Variants in CNBD1 observed in about 807,000 individuals in gnomAD.
CNBD1 encodes the protein cyclic nucleotide-binding domain-containing protein 1.
In CNBD1, 71 loss-of-function variants were observed where a neutral mutation model predicts 54.4. The ratio of observed to expected loss-of-function variants is 1.30; its 90% confidence interval spans 1.08 to 1.59. The LOEUF (loss-of-function observed/expected upper bound fraction) is 1.59. CNBD1 is among the 40% of genes most tolerant of loss of function. The pLI, the probability that CNBD1 is intolerant of heterozygous loss-of-function variation, is 0.00. For missense variants in CNBD1, 659 were observed against 518.0 expected (o/e 1.27, Z -2.64); for synonymous variants, 182 against 170.7 (o/e 1.07, Z -0.51).
chr8:87,303,377 GC>G (rs1157587286), intron 8 of CNBD1, among the ~76,000 whole-genome samples: 1 of 151,928 alleles, frequency 6.6e-6, no homozygotes, highest in Non-Finnish European at 1.5e-5. Context: ...AGAAAAACAA[GC>G]AATGGGGAAA....
At chr8:87,358,432 ATTTTTTCTTTTCCTATATAATAATATG>A (rs1563568204) in intron 10 of CNBD1, among the ~76,000 whole-genome samples, 1 of 152,094 alleles carries the variant, frequency 6.6e-6, no homozygotes, top group African/African-American at 2.4e-5. Context: ...CTCACTTAAT[ATTTTTTCTTTTCCTATATAATAATATG>A]TTTTTTCTTT....
rs1812889009 is a variant in CNBD1, at chr8:87,163,010, C to T, written c.432-42983C>T. On this transcript the variant is annotated intron_variant, in intron 4 of 10. Coordinates refer to ENST00000518476, the MANE Select transcript of CNBD1 (RefSeq NM_173538.3). The surrounding 1 kb of genome is among the most constrained non-coding windows in gnomAD (Gnocchi z 4.5). ...CCATGTGGGGCCCAGCATTCCTGTC[C>T]TCCAAAAGATGTAGCTTTCAAAGCA... Among the ~76,000 whole-genome samples, 1 of 152,034 alleles carries T rather than the reference C, an allele frequency of 6.6e-6. No individual in the cohort carries two copies. The highest frequency in any genetic ancestry group is 6.6e-5 in the Admixed American group (1 of 15,230).
At chr8:87,253,090 G>A (rs1018403610) in intron 6 of CNBD1, among the ~76,000 whole-genome samples, 4 of 152,254 alleles carry the variant, frequency 2.6e-5, no homozygotes, top group East Asian at 1.9e-4. Flanking sequence ...GTCAGACTAC[G>A]TCAGATTCCT....
intron 6 of CNBD1, among the ~76,000 whole-genome samples, chr8:87,269,955 A>G (rs1808330385): frequency 6.6e-6 from 1 of 152,028 alleles, no homozygotes; most frequent in African/African-American, 2.4e-5. Flanking sequence ...GCTATAATGA[A>G]TAAAGAAAAC....
chr8:87,156,601 G>A (rs979051481), intron 4 of CNBD1, among the ~76,000 whole-genome samples: 1 of 151,986 alleles, frequency 6.6e-6, no homozygotes, highest in African/African-American at 2.4e-5. Context: ...AACATACACA[G>A]ATGGTCTTTG....
rs541689229 is a variant in CNBD1, at chr8:87,001,762, A to T, written c.431+62008A>T. ...ATTTCAAAGTGTTTTACCTTCTGAGATTCTTTATTAATGTCTTTAACTGGG... is the reference window on the plus strand; with the variant it reads ...ATTTCAAAGTGTTTTACCTTCTGAGTTTCTTTATTAATGTCTTTAACTGGG... On this transcript the variant is annotated intron_variant, in intron 4 of 10. Coordinates refer to ENST00000518476, the MANE Select transcript of CNBD1 (RefSeq NM_173538.3). 3.4e-4 allele frequency among the ~76,000 whole-genome samples: 51 copies of T among 152,142 alleles called. No homozygotes were observed. The East Asian group carries it at 9.7e-3, about 29-fold the overall frequency.
At chr8:87,176,541 T>C (rs1331955254) in intron 4 of CNBD1, among the ~76,000 whole-genome samples, 1 of 150,716 alleles carries the variant, frequency 6.6e-6, no homozygotes, top group Non-Finnish European at 1.5e-5. Context: ...TGGAGTGCAG[T>C]GGCACAATCT....
At chr8:87,349,481 T>C (rs1410350418) in intron 8 of CNBD1, among the ~76,000 whole-genome samples, 1 of 152,168 alleles carries the variant, frequency 6.6e-6, no homozygotes, top group Admixed American at 6.5e-5. Context: ...GTTCAAGCTA[T>C]TCCCCTGCCT....
At chr8:86,961,111 G>A in intron 4 of CNBD1, among the ~76,000 whole-genome samples, 1 of 152,254 alleles carries the variant, frequency 6.6e-6, no homozygotes, top group East Asian at 1.9e-4. Context: ...AGCAATATAT[G>A]TTGTTATAAC....
intron 8 of CNBD1, among the ~76,000 whole-genome samples, chr8:87,302,517 C>G (rs575387222): frequency 2.0e-4 from 30 of 148,916 alleles, no homozygotes; most frequent in Admixed American, 5.4e-4. Flanking sequence ...TTATGACAAA[C>G]CCACAGCCAA....
chr8:87,416,128 A>C (rs989439060), intron 2 of CNBD1, among the ~76,000 whole-genome samples: 1 of 151,782 alleles, frequency 6.6e-6, no homozygotes, highest in African/African-American at 2.4e-5. Flanking sequence ...TATATTTTTA[A>C]CAATATATCT....
intron 2 of CNBD1, among the ~76,000 whole-genome samples, chr8:86,895,253 GGTGTGTGTGTGTGT>G (rs59497760): frequency 6.9e-6 from 1 of 144,918 alleles, no homozygotes; most frequent in Non-Finnish European, 1.5e-5. Context: ...GTGTGTGCAT[GGTGTGTGTGTGTGT>G]GTGTGTGTGT....
At position 87,309,060 on chromosome 8, in the gene CNBD1, A is replaced by T. The variant is rs1662957689; in HGVS notation, c.1042+22389A>T. Among the ~76,000 whole-genome samples, 5 of 152,278 alleles carry T rather than the reference A, an allele frequency of 3.3e-5. No individual in the cohort carries two copies. The South Asian group carries it at 1.0e-3, about 32-fold the overall frequency. On this transcript the variant is annotated intron_variant, in intron 8 of 10. Coordinates refer to ENST00000518476, the MANE Select transcript of CNBD1 (RefSeq NM_173538.3). ...AGTGCTACCTTAAGCACTAGGGTGT[A>T]GGTATCCCTTTGAAATGCTGATTTT...
At position 86,989,703 on chromosome 8, in the gene CNBD1, G is replaced by A. The variant is rs1033616596; in HGVS notation, c.431+49949G>A. Among the ~76,000 whole-genome samples, 7 of 152,006 alleles carry A rather than the reference G, an allele frequency of 4.6e-5. No homozygotes were observed. In the East Asian group the frequency reaches 5.8e-4, roughly 13 times the overall value. On this transcript the variant is annotated intron_variant, in intron 4 of 10. Coordinates refer to ENST00000518476, the MANE Select transcript of CNBD1 (RefSeq NM_173538.3). The stretch of plus-strand genomic sequence containing the variant: ...TGAGCTCAGGCAATCCACCCACCTC[G>A]GCCTCCCAAAGTGTTAGGATTACAG...
At chr8:87,358,716 TGTCTGAAG>T (rs1381600081) in intron 10 of CNBD1, among the ~76,000 whole-genome samples, 7 of 152,140 alleles carry the variant, frequency 4.6e-5, no homozygotes, top group African/African-American at 1.7e-4. Flanking sequence ...ATTCAGGTTG[TGTCTGAAG>T]GTCTGAAGGG....
rs568382553 is a variant in CNBD1, at chr8:87,079,681, T to A, written c.432-126312T>A. Among the ~76,000 whole-genome samples the A allele has an allele frequency of 3.9e-5, 6 of 152,300 alleles. No homozygotes were observed. The East Asian group carries it at 7.7e-4, about 20-fold the overall frequency. On this transcript the variant is annotated intron_variant, in intron 4 of 10. Coordinates refer to ENST00000518476, the MANE Select transcript of CNBD1 (RefSeq NM_173538.3). Reference sequence around the variant, plus strand: ...TTGGCCCACTTTTTATATAGTTGTTTCTTTTTTTATTGAGTTAGAAGGACT... The same window carrying A: ...TTGGCCCACTTTTTATATAGTTGTTACTTTTTTTATTGAGTTAGAAGGACT...
chr8:86,881,416 C>T (rs1050929891), intron 1 of CNBD1, among the ~76,000 whole-genome samples: 1 of 152,042 alleles, frequency 6.6e-6, no homozygotes, highest in Admixed American at 6.5e-5. Flanking sequence ...TTCCCATTAA[C>T]AATTGCCACA....
intron 2 of CNBD1, among the ~76,000 whole-genome samples, chr8:87,425,538 C>T (rs373345548): frequency 6.6e-6 from 1 of 151,578 alleles, no homozygotes; most frequent in South Asian, 2.1e-4. Context: ...CCTTCTAACA[C>T]ACAGGACCCT....
chr8:87,151,222 C>G (rs867068791), intron 4 of CNBD1, among the ~76,000 whole-genome samples: 1 of 152,166 alleles, frequency 6.6e-6, no homozygotes, highest in Non-Finnish European at 1.5e-5. Flanking sequence ...CCAGGAGCAT[C>G]CTTTGACCCA....
Sources: allele counts gnomAD v4.1 joint callset (sites outside exome capture counted in the v4.1 genomes callset), GRCh38; gene constraint gnomAD v4.1.1; non-coding constraint Gnocchi (gnomAD v3.1); transcripts MANE v1.5; gene names NCBI Gene and HGNC (gene_info 2026-07-23, HGNC 2026-07-21).